MYO1C: variants seen among roughly 807,000 people sequenced by gnomAD.
MYO1C encodes the protein unconventional myosin-Ic.
A neutral mutation model predicts 150.8 loss-of-function variants in MYO1C; 104 were observed. The observed-to-expected ratio is 0.69, with a 90% CI of 0.59 to 0.81. The LOEUF (loss-of-function observed/expected upper bound fraction) is 0.81, where lower values mean the gene tolerates loss of function less well. MYO1C is among the 30% of genes least tolerant of loss of function. MYO1C has a pLI of 0.00. For missense variants in MYO1C, 1,504 were observed against 1,435.0 expected, an observed-to-expected ratio of 1.05 and a Z score of -0.78; for synonymous variants, 663 against 579.9, an observed-to-expected ratio of 1.14 and a Z score of -2.06.
rs1419027855 is a variant in MYO1C, at chr17:1,474,611, G to A, written c.1796C>T (p.Thr599Met). The A allele has an allele frequency of 6.2e-6, 10 of 1,613,578 alleles. No homozygotes were observed. The highest frequency in any genetic ancestry group is 4.4e-5 in the South Asian group (4 of 91,080). ...CGCCCGGTCCCGCCACCTCCTCACC[G>A]TCTCTGGCCGCTTCTTGTCACTGAG... ...SELSDKKRPE[T>M]VATQFKMSLL... is the part of the protein sequence containing the mutation. The change falls in exon 17 of 32, where the codon ACG becomes ATG. Residue 599 changes from threonine to methionine, a missense_variant and splice_region_variant. Physicochemically the swap from Thr to Met is moderately conservative, Grantham distance 81. Transcript: ENST00000648651.
chr17:1,490,136 C>G (rs1321411208), intron 1 of MYO1C, among the ~76,000 whole-genome samples: 1 of 151,876 alleles, frequency 6.6e-6, no homozygotes, highest in East Asian at 1.9e-4. Context: ...CTGGTCATCA[C>G]AGCCTGGCAT....
At chr17:1,485,129 AG>A (rs1015746504) in intron 1 of MYO1C, 1 of 1,210,386 alleles carries the variant, frequency 8.3e-7, no homozygotes, top group Non-Finnish European at 1.0e-6. Context: ...TACCATGGAA[AG>A]CCCAGCTGCC....
intron 1 of MYO1C, 157 bp from the exon 2 acceptor site, chr17:1,484,460 A>T (rs200561065): frequency 1.5e-4 from 65 of 447,806 alleles, no homozygotes; most frequent in Admixed American, 1.0e-3. Context: ...CTGGGTGCTG[A>T]GGGCCTGGGT....
At chr17:1,480,219 G>C (rs995619841) in intron 7 of MYO1C, among the ~76,000 whole-genome samples, 1 of 151,278 alleles carries the variant, frequency 6.6e-6, no homozygotes, top group Non-Finnish European at 1.5e-5. Context: ...GGCTGAGGCA[G>C]GCGGATCACC....
In MYO1C at chr17:1,478,522, G is replaced by T. The variant is rs1218394162; in HGVS notation, c.1213-30C>A. 6.2e-7 allele frequency: 1 copy of T among 1,613,736 alleles called. No individual in the cohort carries two copies. The highest frequency in any genetic ancestry group is 1.3e-5 in the African/African-American group (1 of 75,050). ...GGCAGTCATTCAACCGAAGGCGTGG[G>T]CCCCCTGCGCGTGCCAGCCCCACCC... On this transcript the variant is annotated intron_variant, in intron 10 of 31. Coordinates refer to ENST00000648651, the MANE Select transcript of MYO1C (RefSeq NM_001080779.2). This position sits in a 1 kb window ranked among gnomAD's most constrained non-coding sequence, Gnocchi z 6.3.
At chr17:1,477,631 G>C (rs995076370) in intron 13 of MYO1C, 35 bp from the exon 14 acceptor site, 1 of 1,532,388 alleles carries the variant, frequency 6.5e-7, no homozygotes, top group East Asian at 2.2e-5. Flanking sequence ...GGACGTATGG[G>C]GGACAGGTCA....
intron 29 of MYO1C, 45 bp from the exon 30 acceptor site, chr17:1,467,622 T>C: frequency 3.8e-6 from 6 of 1,586,354 alleles, no homozygotes; most frequent in Non-Finnish European, 5.2e-6. Context: ...GCCCAGAACT[T>C]GAGGAACCCC....
chr17:1,473,068 C>T (rs578093141), intron 17 of MYO1C, among the ~76,000 whole-genome samples: 2 of 152,264 alleles, frequency 1.3e-5, no homozygotes, highest in African/African-American at 4.8e-5. Context: ...GGCACGATGG[C>T]GGGTACCTGT....
chr17:1,472,860 C>A (rs1004903908), intron 17 of MYO1C, among the ~76,000 whole-genome samples: 11 of 151,212 alleles, frequency 7.3e-5, no homozygotes, highest in Admixed American at 2.6e-4. Context: ...GCTAAGTACT[C>A]CGGCAAGATC....
chr17:1,480,618 C>T lies in MYO1C; in HGVS notation c.815G>A (p.Cys272Tyr). 1 of 1,614,112 alleles carries T rather than the reference C, an allele frequency of 6.2e-7. No homozygotes were observed. Among genetic ancestry groups the T allele is most frequent in the South Asian group, 1.1e-5 (1 of 91,074 alleles). ...QSYLYLVKGQ[C>Y]AKVSSINDKS... is the part of the protein sequence containing the mutation. ...GTCGTTGATGGAGGAGACTTTGGCACACTGGCCCTGGAGGAAGGGCACAGC... is the reference window on the plus strand; with the variant it reads ...GTCGTTGATGGAGGAGACTTTGGCATACTGGCCCTGGAGGAAGGGCACAGC... Residue 272 changes from cysteine (C) to tyrosine (Y), a missense_variant, in exon 7 of 32, where the codon TGT becomes TAT. Physicochemically the swap from Cys to Tyr is radical, Grantham distance 194. Transcript: ENST00000648651.
chr17:1,472,335 G>T, intron 17 of MYO1C, 107 bp from the exon 18 acceptor site: 1 of 939,698 alleles, frequency 1.1e-6, no homozygotes, highest in Non-Finnish European at 1.7e-6. Context: ...AGCAGCCTCT[G>T]ATTCTGCCTG....
intron 25 of MYO1C, 135 bp downstream of exon 25, chr17:1,469,396 A>ACCGGGG (rs1314633518): frequency 1.2e-6 from 1 of 837,998 alleles, no homozygotes; most frequent in African/African-American, 1.7e-5. Context: ...AATACGGTAG[A>ACCGGGG]TCGGGGTAAA....
chr17:1,468,386 G>C lies in MYO1C; in HGVS notation c.2704+17C>G. 1 of 1,613,734 alleles carries C rather than the reference G, an allele frequency of 6.2e-7. No individual in the cohort carries two copies. The highest frequency in any genetic ancestry group is 8.5e-7 in the Non-Finnish European group (1 of 1,179,624). On this transcript the variant is annotated intron_variant, in intron 26 of 31. Coordinates refer to ENST00000648651, the MANE Select transcript of MYO1C (RefSeq NM_001080779.2). ...ATGGTGACGAAAGGTCTGAGTGCTG[G>C]AAAGTCAGGGGCTCACCAAGCCGAG...
rs933882490 is a variant in MYO1C, at chr17:1,470,504, G to A, written c.2297C>T (p.Ser766Leu). ...CCGGCCCAGTGTTCCACGCCACCAC[G>A]ACTGGATGCAGATGGCTGTCGTGGA... ...RVKRSAICIQ[S>L]WWRGTLGRRK... Residue 766 changes from serine to leucine, a missense_variant, in exon 23 of 32, where the codon TCG (serine) becomes TTG (leucine). Physicochemically the swap from Ser to Leu is moderately radical, Grantham distance 145. Transcript: ENST00000648651. 1.2e-5 allele frequency: 18 copies of A among 1,552,300 alleles called. No individual in the cohort carries two copies. Among genetic ancestry groups the A allele is most frequent in the African/African-American group, 4.1e-5 (3 of 73,176 alleles).
At position 1,467,323 on chromosome 17, in the gene MYO1C, G is replaced by GC; in HGVS notation, c.3083dup (p.Gly1030ArgfsTer7). On this transcript the variant is annotated frameshift_variant, in exon 31 of 32. Coordinates refer to ENST00000648651, the MANE Select transcript of MYO1C (RefSeq NM_001080779.2). LOFTEE classifies it high-confidence loss of function. ...AGTCAATGGTGCCATCCCTGCCGGG[G>GC]CCCCCTGCAAACGTGATGCTGGGGG... 1 of 1,613,098 alleles carries GC rather than the reference G, an allele frequency of 6.2e-7. No homozygotes were observed. Among genetic ancestry groups the GC allele is most frequent in the Non-Finnish European group, 8.5e-7 (1 of 1,179,750 alleles).
chr17:1,476,443 G>A (rs2074404298), intron 14 of MYO1C, among the ~76,000 whole-genome samples: 2 of 152,174 alleles, frequency 1.3e-5, no homozygotes, highest in Non-Finnish European at 2.9e-5. Context: ...CCACAGTGTC[G>A]GGATGACAGG....
chr17:1,470,035 A>T, intron 24 of MYO1C, 140 bp downstream of exon 24: 1 of 925,326 alleles, frequency 1.1e-6, no homozygotes. Flanking sequence ...TCAAAAAAAA[A>T]AGAGACCTTA....
intron 31 of MYO1C, 27 bp from the exon 32 acceptor site, chr17:1,465,779 G>C (rs2074157445): frequency 2.3e-6 from 3 of 1,316,774 alleles, no homozygotes; most frequent in Non-Finnish European, 2.0e-6. Context: ...AGACGGCCAA[G>C]TGGTGAGGGG....
At chr17:1,485,869 C>CGCG (rs2074646166) in intron 1 of MYO1C, 1 of 265,260 alleles carries the variant, frequency 3.8e-6, no homozygotes, top group Non-Finnish European at 5.9e-6. Flanking sequence ...CCGCCTCCCG[C>CGCG]GCGGCCGGGC....
Sources: gnomAD v4.1 joint callset for allele counts (sites outside exome capture counted in the v4.1 genomes callset) on GRCh38, gnomAD v4.1.1 for gene constraint, Gnocchi (gnomAD v3.1) non-coding constraint, MANE v1.5 for transcripts, NCBI Gene and HGNC (gene_info 2026-07-23, HGNC 2026-07-21) for gene names.